Variants in TBL1X observed in about 807,000 individuals in gnomAD.
TBL1X encodes the protein F-box-like/WD repeat-containing protein TBL1X.
In TBL1X, 10 loss-of-function variants were observed where a neutral mutation model predicts 50.7. That is an observed-to-expected ratio of 0.20 (90% CI 0.12 to 0.33). The LOEUF (loss-of-function observed/expected upper bound fraction) is 0.33, where lower values mean the gene tolerates loss of function less well. TBL1X is among the 10% of genes least tolerant of loss of function. The pLI is 1.00. For synonymous variants in TBL1X, 190 were observed against 214.7 expected (o/e 0.88, Z 1.01); for missense variants, 340 against 504.4 (o/e 0.67, Z 3.12).
At chrX:9,545,000 CTTTT>C (rs34726098) in intron 2 of TBL1X, among the ~76,000 whole-genome samples, 53 of 71,750 alleles carry the variant, frequency 7.4e-4, no homozygotes, top group African/African-American at 2.1e-3. Context: ...TTTCCCCCCA[CTTTT>C]TTTTTTTTTT....
chrX:9,553,148 A>G (rs917129121), intron 2 of TBL1X, among the ~76,000 whole-genome samples: 2 of 110,950 alleles, frequency 1.8e-5, no homozygotes, highest in African/African-American at 6.6e-5. Flanking sequence ...GTCCCAGAAA[A>G]AAAAACAAAA....
intron 2 of TBL1X, among the ~76,000 whole-genome samples, chrX:9,601,076 C>T (rs1379826217): frequency 9.0e-6 from 1 of 111,554 alleles, no homozygotes; most frequent in African/African-American, 3.3e-5. Flanking sequence ...TGGGCAGTGG[C>T]GAGATCCGAG....
chrX:9,679,658 G>A (rs1028484691), intron 5 of TBL1X, among the ~76,000 whole-genome samples: 6 of 112,112 alleles, frequency 5.4e-5, no homozygotes, highest in Non-Finnish European at 1.1e-4. Context: ...CGGATGTCTT[G>A]TTGGGCAGAA....
intron 1 of TBL1X, among the ~76,000 whole-genome samples, chrX:9,497,045 C>G (rs2081974325): frequency 9.0e-6 from 1 of 111,546 alleles, no homozygotes. Flanking sequence ...ATTAAATAAC[C>G]TTTGGTTGGA....
At chrX:9,472,660 C>T (rs1201407473) in intron 1 of TBL1X, among the ~76,000 whole-genome samples, 1 of 109,917 alleles carries the variant, frequency 9.1e-6, no homozygotes, top group Non-Finnish European at 1.9e-5. Context: ...GGCTCATGCC[C>T]CCCAGCACTT....
At chrX:9,475,550 T>C (rs1349930581) in intron 1 of TBL1X, among the ~76,000 whole-genome samples, 1 of 106,973 alleles carries the variant, frequency 9.3e-6, no homozygotes, top group Non-Finnish European at 1.9e-5. Context: ...CTGGCCTCAT[T>C]AGGTTTTTTT....
At chrX:9,475,368 G>A (rs994148747) in intron 1 of TBL1X, among the ~76,000 whole-genome samples, 4 of 110,426 alleles carry the variant, frequency 3.6e-5, no homozygotes, top group Admixed American at 9.7e-5. Context: ...TCAGCATCCC[G>A]AGTAGCTGGG....
chrX:9,637,817 A>G (rs1287209360), intron 2 of TBL1X: 2 of 111,111 alleles, frequency 1.8e-5, no homozygotes, highest in African/African-American at 6.5e-5. Flanking sequence ...ACAGGCTCTC[A>G]AGCAACCCCC....
At chrX:9,680,270 C>T (rs1414487453) in intron 5 of TBL1X, among the ~76,000 whole-genome samples, 1 of 112,026 alleles carries the variant, frequency 8.9e-6, no homozygotes, top group Admixed American at 9.4e-5. Context: ...CTTCCTGTCC[C>T]AGAATGAATA....
chrX:9,496,247 T>A (rs1406634152), intron 1 of TBL1X, among the ~76,000 whole-genome samples: 1 of 111,546 alleles, frequency 9.0e-6, no homozygotes, highest in East Asian at 2.8e-4. Context: ...TAGGGAAAGC[T>A]CCACACCACA....
At chrX:9,653,925 T>C in intron 4 of TBL1X, among the ~76,000 whole-genome samples, 1 of 111,950 alleles carries the variant, frequency 8.9e-6, no homozygotes, top group Non-Finnish European at 1.9e-5. Context: ...GTTGTCGTGC[T>C]CTGTTGCCCC....
chrX:9,468,447 C>G (rs1464991193), intron 1 of TBL1X, among the ~76,000 whole-genome samples: 1 of 111,621 alleles, frequency 9.0e-6, no homozygotes, highest in Non-Finnish European at 1.9e-5. Context: ...GGGTGTGGAC[C>G]TGCATTTTCC....
At chrX:9,687,878 TC>T in intron 6 of TBL1X, 138 bp from the exon 7 acceptor site, 2 of 1,058,910 alleles carry the variant, frequency 1.9e-6, no homozygotes, top group Non-Finnish European at 2.5e-6. Context: ...CCATGCCGCT[TC>T]CCCCGTGGCC....
intron 16 of TBL1X, among the ~76,000 whole-genome samples, chrX:9,714,409 T>C (rs182760620): frequency 1.8e-5 from 2 of 111,266 alleles, no homozygotes; most frequent in Admixed American, 1.9e-4. Context: ...GAGAGATTTA[T>C]TGGGGGAAAG....
At chrX:9,482,591 C>A (rs1033696325) in intron 1 of TBL1X, among the ~76,000 whole-genome samples, 1 of 111,967 alleles carries the variant, frequency 8.9e-6, no homozygotes, top group Non-Finnish European at 1.9e-5. Flanking sequence ...TTGTCATACA[C>A]CCGTGAGTAC....
intron 12 of TBL1X, among the ~76,000 whole-genome samples, chrX:9,702,178 G>A (rs770258242): frequency 1.2e-3 from 136 of 111,401 alleles, no homozygotes; most frequent in Non-Finnish European, 2.2e-3. Flanking sequence ...GCTCATTCCT[G>A]TAATCCCAGC....
intron 13 of TBL1X, among the ~76,000 whole-genome samples, chrX:9,707,806 C>T (rs1453957425): frequency 1.8e-5 from 2 of 112,130 alleles, no homozygotes; most frequent in Admixed American, 1.9e-4. Flanking sequence ...TCCACCCTCC[C>T]GGGCTCTCGC....
At chrX:9,693,512 G>A (rs1213265343) in intron 11 of TBL1X, 93 bp downstream of exon 11, 3 of 816,419 alleles carry the variant, frequency 3.7e-6, no homozygotes, top group South Asian at 2.5e-5. Context: ...GAACTCGTAG[G>A]CTTTGTGCTT....
intron 1 of TBL1X, among the ~76,000 whole-genome samples, chrX:9,483,073 A>G (rs2146934053): frequency 9.0e-6 from 1 of 111,289 alleles, no homozygotes; most frequent in East Asian, 2.8e-4. Flanking sequence ...TCTAGCAGGT[A>G]GAGGCCAGGG....
Sources: allele counts gnomAD v4.1 joint callset (sites outside exome capture counted in the v4.1 genomes callset), GRCh38; gene constraint gnomAD v4.1.1; transcripts MANE v1.5; gene names NCBI Gene and HGNC (gene_info 2026-07-23, HGNC 2026-07-21).